GRK3: variants seen among roughly 807,000 people sequenced by gnomAD.
GRK3 encodes the protein G protein-coupled receptor kinase 3.
Under a neutral mutation model 95.7 loss-of-function variants are expected in GRK3, and 54 were observed. The ratio of observed to expected loss-of-function variants is 0.56; its 90% CI spans 0.45 to 0.71. GRK3 has a LOEUF of 0.71. Ranked by LOEUF, GRK3 falls within the 30% of genes least tolerant of loss-of-function variation. The probability of loss-of-function intolerance (pLI) is 0.00; values close to 1 mark genes in which losing one functional copy is unlikely to be tolerated. For synonymous variants in GRK3, 281 were observed against 290.8 expected (o/e 0.97, Z 0.34); for missense variants, 649 against 851.2 (o/e 0.76, Z 2.96).
At chr22:25,585,609 T>G (rs1932272363) in intron 1 of GRK3, among the ~76,000 whole-genome samples, 1 of 152,214 alleles carries the variant, frequency 6.6e-6, no homozygotes, top group Admixed American at 6.5e-5. Context: ...TTACTAAGCT[T>G]TTAGTTTATA....
At chr22:25,613,101 A>G (rs1399475761) in intron 2 of GRK3, among the ~76,000 whole-genome samples, 1 of 151,938 alleles carries the variant, frequency 6.6e-6, no homozygotes, top group Non-Finnish European at 1.5e-5. Context: ...AAAGCTGAAA[A>G]CATGTATAAG....
intron 5 of GRK3, among the ~76,000 whole-genome samples, chr22:25,667,469 C>T (rs1314922148): frequency 6.6e-6 from 1 of 152,204 alleles, no homozygotes; most frequent in East Asian, 1.9e-4. Context: ...TAAGAAGTGT[C>T]TGTGACTTGC....
chr22:25,698,986 G>A (rs1569201279), intron 13 of GRK3, among the ~76,000 whole-genome samples: 2 of 152,194 alleles, frequency 1.3e-5, no homozygotes, highest in African/African-American at 2.4e-5. Context: ...AAGATGATTG[G>A]GAGAATAACG....
intron 18 of GRK3, among the ~76,000 whole-genome samples, chr22:25,715,727 C>A (rs1451793253): frequency 6.6e-6 from 1 of 152,150 alleles, no homozygotes; most frequent in East Asian, 1.9e-4. Flanking sequence ...TCCCTCTGAG[C>A]AAAGACCCTT....
intron 9 of GRK3, among the ~76,000 whole-genome samples, chr22:25,680,514 A>G (rs79146539): frequency 0.017 from 2,659 of 152,296 alleles, 79 homozygotes; most frequent in African/African-American, 0.061. Context: ...AAACGTTTTA[A>G]TGTTGGAAAA....
chr22:25,621,541 T>C (rs927901499), intron 2 of GRK3, among the ~76,000 whole-genome samples: 3 of 152,234 alleles, frequency 2.0e-5, no homozygotes, highest in African/African-American at 7.2e-5. Context: ...GACAAATATA[T>C]GATAACCTTT....
At chr22:25,592,883 G>A (rs1329443104) in intron 1 of GRK3, among the ~76,000 whole-genome samples, 1 of 151,924 alleles carries the variant, frequency 6.6e-6, no homozygotes, top group Non-Finnish European at 1.5e-5. Context: ...CCAGTGTTTA[G>A]CTCCCACTTA....
chr22:25,611,087 C>T (rs992857954), intron 2 of GRK3, among the ~76,000 whole-genome samples: 5 of 152,140 alleles, frequency 3.3e-5, no homozygotes, highest in African/African-American at 1.2e-4. Context: ...GTCTCGAACT[C>T]CTGACCTCAA....
chr22:25,714,643 G>C, intron 18 of GRK3, 73 bp downstream of exon 18: 1 of 1,395,580 alleles, frequency 7.2e-7, no homozygotes, highest in Admixed American at 2.6e-5. Context: ...AGCTGAAAAA[G>C]TATTTGGGTC....
intron 2 of GRK3, among the ~76,000 whole-genome samples, chr22:25,619,195 A>G (rs1336019881): frequency 6.6e-6 from 1 of 152,162 alleles, no homozygotes; most frequent in African/African-American, 2.4e-5. Context: ...GTTACCCATA[A>G]CAGCACAGGT....
intron 8 of GRK3, 54 bp downstream of exon 8, chr22:25,674,582 G>C: frequency 7.8e-7 from 1 of 1,286,940 alleles, no homozygotes; most frequent in Non-Finnish European, 1.1e-6. Context: ...TTTAATATTT[G>C]CATGAAAAGA....
chr22:25,631,062 C>T (rs940284390), intron 2 of GRK3, among the ~76,000 whole-genome samples: 3 of 151,962 alleles, frequency 2.0e-5, no homozygotes, highest in African/African-American at 7.3e-5. Flanking sequence ...TTTATTTGCT[C>T]CTATTGGAAC....
intron 3 of GRK3, among the ~76,000 whole-genome samples, chr22:25,655,296 A>G (rs2084862314): frequency 6.6e-6 from 1 of 152,030 alleles, no homozygotes; most frequent in Admixed American, 6.5e-5. Context: ...CTACCTTCTT[A>G]CATAGAATGT....
At chr22:25,591,780 G>GCA (rs150568880) in intron 1 of GRK3, among the ~76,000 whole-genome samples, 5,589 of 152,194 alleles carry the variant, frequency 0.037, 197 homozygotes, top group African/African-American at 0.085. Flanking sequence ...CTTTAAATCA[G>GCA]CAGTTATTCT....
chr22:25,590,258 A>C (rs1279792993), intron 1 of GRK3, among the ~76,000 whole-genome samples: 1 of 152,202 alleles, frequency 6.6e-6, no homozygotes, highest in Non-Finnish European at 1.5e-5. Flanking sequence ...ACTGCGAAAA[A>C]AATGTTCCCT....
At chr22:25,652,236 C>T (rs568390544) in intron 3 of GRK3, among the ~76,000 whole-genome samples, 176 of 152,250 alleles carry the variant, frequency 1.2e-3, no homozygotes, top group South Asian at 4.8e-3. Flanking sequence ...AGACCGAGAC[C>T]ATCCTGGCTA....
intron 2 of GRK3, among the ~76,000 whole-genome samples, chr22:25,632,399 G>T (rs1246172141): frequency 6.6e-6 from 1 of 152,120 alleles, no homozygotes; most frequent in African/African-American, 2.4e-5. Flanking sequence ...TCTCATTATT[G>T]CATTTTGAGA....
At chr22:25,672,410 G>C in intron 7 of GRK3, 63 bp downstream of exon 7, 1 of 864,554 alleles carries the variant, frequency 1.2e-6, no homozygotes, top group Non-Finnish European at 1.9e-6. Context: ...TTAACCTCAT[G>C]AGAAAATACT....
In GRK3 at chr22:25,661,629, A is replaced by T; in HGVS notation, c.318A>T (p.Arg106=). 2 of 1,613,510 alleles carry T rather than the reference A, an allele frequency of 1.2e-6. No individual in the cohort carries two copies. Among genetic ancestry groups the T allele is most frequent in the African/African-American group, 2.7e-5 (2 of 75,044 alleles). Reference sequence around the variant, plus strand: ...AGGAAGACCGCCTTTGCAGAAGTCGACAAATTTATGATGCCTACATCATGA... The same window carrying T: ...AGGAAGACCGCCTTTGCAGAAGTCGTCAAATTTATGATGCCTACATCATGA... ...DNEEDRLCRS[R]QIYDAYIMKE... is the part of the protein sequence containing the mutation. The change falls in exon 4 of 21, where the codon CGA becomes CGT. Residue 106 remains arginine, a synonymous_variant. Coordinates refer to ENST00000324198, the MANE Select transcript of GRK3 (RefSeq NM_005160.4).
Sources: gnomAD v4.1 joint callset for allele counts (sites outside exome capture counted in the v4.1 genomes callset) on GRCh38, gnomAD v4.1.1 for gene constraint, MANE v1.5 for transcripts, NCBI Gene and HGNC (gene_info 2026-07-23, HGNC 2026-07-21) for gene names.